TSPAN14: variants seen among roughly 807,000 people sequenced by gnomAD.
TSPAN14 encodes tetraspanin 14, also known as tetraspanin-14.
TSPAN14 carries 16 observed loss-of-function variants against 36.6 expected under a neutral mutation model. That is an observed-to-expected ratio of 0.44 (90% CI 0.30 to 0.66). TSPAN14 has a LOEUF of 0.66. TSPAN14 is among the 30% of genes least tolerant of loss of function. The pLI is 0.12. For missense variants in TSPAN14, 231 were observed against 355.1 expected (o/e 0.65, Z 2.81); for synonymous variants, 139 against 143.8 (o/e 0.97, Z 0.24).
chr10:80,474,999 A>T (rs144001096), intron 1 of TSPAN14, among the ~76,000 whole-genome samples: 163 of 152,320 alleles, frequency 1.1e-3, no homozygotes, highest in African/African-American at 3.4e-3. Context: ...GGCATCGTCC[A>T]AACAGGGCCA....
intron 1 of TSPAN14, among the ~76,000 whole-genome samples, chr10:80,482,599 C>T (rs1353172313): frequency 6.6e-6 from 1 of 150,908 alleles, no homozygotes; most frequent in Non-Finnish European, 1.5e-5. Context: ...CCACAAAACT[C>T]ATTTTAGTTG....
At chr10:80,520,876 C>A in exon 9 of TSPAN14, 1 of 520,972 alleles carries the variant, frequency 1.9e-6, no homozygotes, top group African/African-American at 1.9e-5. Context: ...GCTTCAGAGG[C>A]CCAGGCTCGC....
At chr10:80,490,371 G>A (rs1847858565) in intron 2 of TSPAN14, among the ~76,000 whole-genome samples, 1 of 152,148 alleles carries the variant, frequency 6.6e-6, no homozygotes, top group Admixed American at 6.5e-5. Flanking sequence ...GAAGAGGAGA[G>A]GTCTGAATAT....
At chr10:80,461,673 C>T (rs1177910545) in intron 1 of TSPAN14, among the ~76,000 whole-genome samples, 4 of 152,010 alleles carry the variant, frequency 2.6e-5, no homozygotes, top group African/African-American at 9.7e-5. Context: ...CATGGCATGA[C>T]TGATGAGGTG....
chr10:80,467,245 A>G (rs1846296389), intron 1 of TSPAN14, among the ~76,000 whole-genome samples: 1 of 152,130 alleles, frequency 6.6e-6, no homozygotes, highest in Non-Finnish European at 1.5e-5. Context: ...GTTGTGGCCA[A>G]GAGCTGTTTT....
intron 3 of TSPAN14, among the ~76,000 whole-genome samples, chr10:80,505,525 T>A (rs548810735): frequency 6.6e-6 from 1 of 152,336 alleles, no homozygotes; most frequent in African/African-American, 2.4e-5. Context: ...AGCCTAGGCC[T>A]TCTTCCTTCA....
chr10:80,476,609 G>A (rs556790908), intron 1 of TSPAN14, among the ~76,000 whole-genome samples: 98 of 151,920 alleles, frequency 6.5e-4, no homozygotes, highest in Non-Finnish European at 1.1e-3. Flanking sequence ...TAGAGATGGG[G>A]TTTTACCATG....
exon 9 of TSPAN14, chr10:80,519,509 T>A (rs1841133629): frequency 1.9e-5 from 1 of 54,044 alleles, no homozygotes; most frequent in Non-Finnish European, 3.3e-5. Context: ...TGGCTGTTGA[T>A]GATGATTTTT....
chr10:80,480,752 G>C (rs1281487548), intron 1 of TSPAN14, among the ~76,000 whole-genome samples: 1 of 152,062 alleles, frequency 6.6e-6, no homozygotes, highest in Non-Finnish European at 1.5e-5. Flanking sequence ...GACACAGGAA[G>C]GGGAACGTCA....
intron 6 of TSPAN14, 130 bp downstream of exon 6, chr10:80,512,399 C>A (rs914013443): frequency 2.2e-6 from 3 of 1,344,184 alleles, no homozygotes; most frequent in Admixed American, 5.1e-5. Flanking sequence ...TTTCTCCACA[C>A]CCTCCTCAAG....
At chr10:80,478,486 A>G (rs966387826) in intron 1 of TSPAN14, among the ~76,000 whole-genome samples, 4 of 152,190 alleles carry the variant, frequency 2.6e-5, no homozygotes, top group South Asian at 2.1e-4. Flanking sequence ...TAGCTTCTCT[A>G]TGGAGGGGCC....
chr10:80,490,577 A>G (rs1244557303), intron 2 of TSPAN14, among the ~76,000 whole-genome samples: 1 of 152,156 alleles, frequency 6.6e-6, no homozygotes, highest in Non-Finnish European at 1.5e-5. Context: ...GCTTAGACAA[A>G]GTGGAGGTTG....
chr10:80,507,182 C>T (rs762529335), intron 3 of TSPAN14, 46 bp from the exon 4 acceptor site: 1 of 1,612,632 alleles, frequency 6.2e-7, no homozygotes. Flanking sequence ...GCATCCTTGA[C>T]TCCCCTTCTG....
intron 1 of TSPAN14, among the ~76,000 whole-genome samples, chr10:80,488,173 G>A (rs1280751346): frequency 6.6e-6 from 1 of 151,876 alleles, no homozygotes; most frequent in African/African-American, 2.4e-5. Flanking sequence ...ACTGCCCTAC[G>A]GGCCTCTGAT....
chr10:80,517,155 C>T (rs1840981706), intron 8 of TSPAN14, among the ~76,000 whole-genome samples: 1 of 152,148 alleles, frequency 6.6e-6, no homozygotes, highest in South Asian at 2.1e-4. Flanking sequence ...AAGAGGGTGA[C>T]TGAGGTAGAC....
intron 1 of TSPAN14, among the ~76,000 whole-genome samples, chr10:80,467,484 T>C (rs1423376423): frequency 6.6e-6 from 1 of 151,856 alleles, no homozygotes; most frequent in Non-Finnish European, 1.5e-5. Flanking sequence ...TGTAGATTCT[T>C]ACTAGAAAAT....
At chr10:80,481,067 G>A (rs1280019649) in intron 1 of TSPAN14, among the ~76,000 whole-genome samples, 1 of 152,056 alleles carries the variant, frequency 6.6e-6, no homozygotes, top group Non-Finnish European at 1.5e-5. Flanking sequence ...GTTGCGCCAG[G>A]GCTCTCCAGC....
chr10:80,519,085 G>A (rs1053965008), exon 9 of TSPAN14: 2 of 152,748 alleles, frequency 1.3e-5, no homozygotes, highest in African/African-American at 4.8e-5. Context: ...AGCCCAAGAT[G>A]GCCAGCCTGA....
chr10:80,467,589 C>T (rs781261108), intron 1 of TSPAN14, among the ~76,000 whole-genome samples: 3 of 152,182 alleles, frequency 2.0e-5, no homozygotes, highest in Non-Finnish European at 4.4e-5. Context: ...AATCTAACTC[C>T]ACTACCTGGA....
Sources: gnomAD v4.1 joint callset for allele counts (sites outside exome capture counted in the v4.1 genomes callset) on GRCh38, gnomAD v4.1.1 for gene constraint, MANE v1.5 for transcripts, NCBI Gene and HGNC (gene_info 2026-07-23, HGNC 2026-07-21) for gene names.